The following NRXN2 variants were observed in gnomAD, a reference collection of about 807,000 sequenced individuals.
NRXN2 encodes the protein neurexin 2.
A neutral mutation model predicts 128.8 loss-of-function variants in NRXN2; 29 were observed. The ratio of observed to expected loss-of-function variants is 0.23; its 90% CI spans 0.17 to 0.31. The LOEUF (loss-of-function observed/expected upper bound fraction) is 0.31, where lower values mean the gene tolerates loss of function less well. Ranked by LOEUF, NRXN2 falls within the 10% of genes least tolerant of loss-of-function variation. NRXN2 has a pLI of 1.00. For synonymous variants in NRXN2, 1,098 were observed against 1,075.2 expected, an observed-to-expected ratio of 1.02 and a Z score of -0.41; for missense variants, 1,881 against 2,452.6, an observed-to-expected ratio of 0.77 and a Z score of 4.92.
chr11:64,692,755 G>A (rs2053989376), intron 4 of NRXN2, 92 bp downstream of exon 4: 1 of 1,365,508 alleles, frequency 7.3e-7, no homozygotes, highest in Middle Eastern at 1.8e-4. Flanking sequence ...AGGAGGGGAA[G>A]GGGACAGGGG....
chr11:64,704,648 A>G (rs1263329694), intron 2 of NRXN2, among the ~76,000 whole-genome samples: 2 of 151,100 alleles, frequency 1.3e-5, no homozygotes, highest in African/African-American at 4.9e-5. Context: ...AGAGAGAGAG[A>G]GAGAGAGAGA....
chr11:64,642,144 G>A (rs1348696862), intron 17 of NRXN2, among the ~76,000 whole-genome samples: 1 of 151,916 alleles, frequency 6.6e-6, no homozygotes, highest in African/African-American at 2.4e-5. Context: ...CAGATGGAGA[G>A]ATGATAAGGG....
chr11:64,700,538 A>G (rs1239766104), intron 2 of NRXN2, among the ~76,000 whole-genome samples: 3 of 152,138 alleles, frequency 2.0e-5, no homozygotes, highest in Admixed American at 1.3e-4. Context: ...GGTGTTATCT[A>G]TCGACTCTGT....
chr11:64,668,740 G>A (rs1259205652), intron 7 of NRXN2, 136 bp from the exon 8 acceptor site: 1 of 888,220 alleles, frequency 1.1e-6, no homozygotes, highest in East Asian at 2.5e-5. Flanking sequence ...TGCTTGTCTT[G>A]GAGGAGGAAC....
In NRXN2 at chr11:64,714,871, G is replaced by A. The variant is rs576964032; in HGVS notation, c.-244-928C>T. Among the ~76,000 whole-genome samples, 1 of 152,284 alleles carries A rather than the reference G, an allele frequency of 6.6e-6. No individual in the cohort carries two copies. The highest frequency in any genetic ancestry group is 6.5e-5 in the Admixed American group (1 of 15,296). On this transcript the variant is annotated intron_variant, in intron 1 of 22. Coordinates refer to ENST00000265459, the MANE Select transcript of NRXN2 (RefSeq NM_015080.4). The surrounding 1 kb of genome is among the most constrained non-coding windows in gnomAD (Gnocchi z 4.5). ...CAATTTATACCCCACGCCGGGGAGG[G>A]GAATTTGCATCTCGTTAAACTCCAA...
chr11:64,696,253 T>G (rs927243494), intron 3 of NRXN2, among the ~76,000 whole-genome samples: 7 of 151,082 alleles, frequency 4.6e-5, no homozygotes, highest in Admixed American at 4.6e-4. Context: ...ACGCAGACTC[T>G]CTCTGTGACA....
Position 64,685,733 on chromosome 11 carries a change from A to C in NRXN2, c.1065T>G (p.Gly355=), listed in dbSNP as rs762558682. The C allele has an allele frequency of 1.4e-5, 22 of 1,614,074 alleles. No individual in the cohort carries two copies. The highest frequency in any genetic ancestry group is 1.6e-5 in the Non-Finnish European group (19 of 1,180,052). The part of the protein sequence containing the change: ...AVWLVINLGS[G]AFEALVEPVN... ...CGGGTTCCACAAGGGCCTCGAAGGC[A>C]CCTGAGCCTAGGTTGATGACCAGCC... Residue 355 remains glycine, a synonymous_variant, in exon 6 of 23, where the codon GGT becomes GGG. Coordinates refer to ENST00000265459, the MANE Select transcript of NRXN2 (RefSeq NM_015080.4).
At chr11:64,712,107 C>A (rs893150145) in intron 2 of NRXN2, among the ~76,000 whole-genome samples, 1 of 152,178 alleles carries the variant, frequency 6.6e-6, no homozygotes, top group Non-Finnish European at 1.5e-5. Context: ...CCCCGCCACA[C>A]GGCCTCGCCC....
chr11:64,707,455 A>G (rs2135653264), intron 2 of NRXN2, among the ~76,000 whole-genome samples: 1 of 152,198 alleles, frequency 6.6e-6, no homozygotes, highest in Middle Eastern at 3.4e-3. Flanking sequence ...TAGGGAGTAG[A>G]GAAGACAGAT....
intron 9 of NRXN2, among the ~76,000 whole-genome samples, chr11:64,663,375 C>CAAA (rs1191987645): frequency 9.5e-6 from 1 of 105,422 alleles, no homozygotes; most frequent in Non-Finnish European, 2.0e-5. Flanking sequence ...AACTCTGACT[C>CAAA]AAAAAAAAAA....
chr11:64,675,842 A>T (rs1403684101), intron 7 of NRXN2: 2 of 154,086 alleles, frequency 1.3e-5, no homozygotes, highest in African/African-American at 4.8e-5. Flanking sequence ...ACACGTGGAG[A>T]GTCACCAGCA....
intron 22 of NRXN2, among the ~76,000 whole-genome samples, chr11:64,610,710 C>T (rs548697784): frequency 1.3e-5 from 2 of 152,308 alleles, no homozygotes; most frequent in East Asian, 3.9e-4. Flanking sequence ...CCTGTACCCA[C>T]CTGGGATCCA....
intron 17 of NRXN2, among the ~76,000 whole-genome samples, chr11:64,638,460 A>T (rs563947235): frequency 1.5e-3 from 227 of 152,216 alleles, no homozygotes; most frequent in Non-Finnish European, 2.1e-3. Flanking sequence ...GGCTTCCGCC[A>T]GGCCCCTCCC....
In NRXN2 at chr11:64,607,733, G is replaced by A; in HGVS notation, c.4602C>T (p.Pro1534=). 6.4e-7 allele frequency: 1 copy of A among 1,571,716 alleles called. No homozygotes were observed. The highest frequency in any genetic ancestry group is 1.7e-4 in the Middle Eastern group (1 of 6,018). ...TTLLSPRKPA[P]RPNLRTDGAT... ...CCCCATCTGTCCTGAGGTTGGGCCG[G>A]GGAGCGGGTTTGCGGGGTGACAGGA... Residue 1534 remains proline (P), a synonymous_variant, in exon 23 of 23, where the codon CCC becomes CCT. Transcript: ENST00000265459.
chr11:64,692,916 G>GA (rs1207759514), intron 3 of NRXN2, 40 bp from the exon 4 acceptor site: 1 of 1,542,412 alleles, frequency 6.5e-7, no homozygotes, highest in Middle Eastern at 1.7e-4. Context: ...AAGAAAAAAA[G>GA]AAGAAGAAAA....
chr11:64,718,402 G>T (rs1592325105), intron 1 of NRXN2, among the ~76,000 whole-genome samples: 1 of 152,346 alleles, frequency 6.6e-6, no homozygotes, highest in East Asian at 1.9e-4. Context: ...TGAGACAGCA[G>T]GGGCCTCCTC....
chr11:64,644,452 C>T (rs1482157287), intron 17 of NRXN2, among the ~76,000 whole-genome samples: 1 of 152,152 alleles, frequency 6.6e-6, no homozygotes, highest in African/African-American at 2.4e-5. Context: ...CTGAGTGTCC[C>T]ATTTAGGACA....
intron 1 of NRXN2, among the ~76,000 whole-genome samples, chr11:64,720,991 C>T (rs1029804087): frequency 6.6e-6 from 1 of 151,868 alleles, no homozygotes; most frequent in Non-Finnish European, 1.5e-5. Flanking sequence ...GCGCTGGGGG[C>T]TCTGGGGGCA....
chr11:64,630,712 G>C lies in NRXN2; in HGVS notation c.3586-139C>G. The C allele has an allele frequency of 1.0e-6, 1 of 972,828 alleles. No individual in the cohort carries two copies. Among genetic ancestry groups the C allele is most frequent in the Non-Finnish European group, 1.6e-6 (1 of 638,368 alleles). The allele number at this position is 972,828 out of a possible 1,614,324, so 60.3% of individuals were successfully genotyped here. A position where few individuals can be genotyped will look rare whatever the true frequency, so the allele number is the denominator to read the frequency against. On this transcript the variant is annotated intron_variant, in intron 18 of 22. Transcript: ENST00000265459. The surrounding 1 kb of genome is among the most constrained non-coding windows in gnomAD (Gnocchi z 4.6). ...CCAGGTCTCAACCGCTGGAGGAGGT[G>C]GGCAGGCTCGCTCCCCTTCCCCACA...
Sources: gnomAD v4.1 joint callset for allele counts (sites outside exome capture counted in the v4.1 genomes callset) on GRCh38, gnomAD v4.1.1 for gene constraint, Gnocchi (gnomAD v3.1) non-coding constraint, MANE v1.5 for transcripts, NCBI Gene and HGNC (gene_info 2026-07-23, HGNC 2026-07-21) for gene names.